Variants in DCHS2 observed in about 807,000 individuals in gnomAD.
DCHS2 encodes the protein protocadherin-23.
DCHS2 carries 142 observed loss-of-function variants against 182.4 expected under a neutral mutation model. The observed-to-expected ratio is 0.78, with a 90% CI of 0.68 to 0.89. The LOEUF (loss-of-function observed/expected upper bound fraction) is 0.89, where lower values mean the gene tolerates loss of function less well. Ranked by LOEUF, DCHS2 falls within the 40% of genes least tolerant of loss-of-function variation. The pLI is 0.00. For missense variants in DCHS2, 4,319 were observed against 4,198.6 expected (o/e 1.03, Z -0.79); for synonymous variants, 1,740 against 1,663.3 (o/e 1.05, Z -1.12).
At chr4:154,430,475 T>C (rs10030235) in intron 1 of DCHS2, among the ~76,000 whole-genome samples, 77,497 of 152,032 alleles carry the variant, frequency 0.51, 20,940 homozygotes, top group Middle Eastern at 0.67. Flanking sequence ...CAAGGCAGGA[T>C]AAAATTAAAA....
At chr4:154,364,910 C>CT (rs998568028) in intron 3 of DCHS2, among the ~76,000 whole-genome samples, 37 of 148,920 alleles carry the variant, frequency 2.5e-4, no homozygotes, top group South Asian at 1.9e-3. Flanking sequence ...GAAAAAAATT[C>CT]TTTTTTTTTT....
At chr4:154,486,974 T>G (rs1204342850) in intron 1 of DCHS2, among the ~76,000 whole-genome samples, 4 of 152,154 alleles carry the variant, frequency 2.6e-5, no homozygotes, top group Non-Finnish European at 5.9e-5. Flanking sequence ...GAGCTCACCA[T>G]AATGGATCTA....
chr4:154,403,918 C>A (rs2110877621), intron 1 of DCHS2, among the ~76,000 whole-genome samples: 1 of 152,198 alleles, frequency 6.6e-6, no homozygotes, highest in South Asian at 2.1e-4. Flanking sequence ...TATGTGGGAT[C>A]TGCCATTATA....
Position 154,234,366 on chromosome 4 carries a change from A to C in DCHS2, c.*170T>G. The C allele has an allele frequency of 2.2e-6, 2 of 920,374 alleles. No homozygotes were observed. The highest frequency in any genetic ancestry group is 2.1e-5 in the South Asian group (1 of 48,606). The allele number at this position is 920,374 out of a possible 1,614,324, so 57.0% of individuals were successfully genotyped here. On this transcript the variant is annotated 3_prime_UTR_variant, in exon 20 of 20. Coordinates refer to ENST00000357232, the MANE Select transcript of DCHS2 (RefSeq NM_001358235.2). ...TAAAAGAGGAAATAACTTTTCATTAAGGCTGGAAGAAATTGGAGAAACTTT... is the reference window on the plus strand; with the variant it reads ...TAAAAGAGGAAATAACTTTTCATTACGGCTGGAAGAAATTGGAGAAACTTT...
intron 1 of DCHS2, among the ~76,000 whole-genome samples, chr4:154,390,706 T>C (rs11099952): frequency 0.31 from 42,603 of 136,198 alleles, 7,663 homozygotes; most frequent in Middle Eastern, 0.45. Flanking sequence ...CTCTTAGTTC[T>C]GGTTCATATG....
chr4:154,405,165 G>A (rs1844672), intron 1 of DCHS2, among the ~76,000 whole-genome samples: 45,547 of 152,002 alleles, frequency 0.3, 8,738 homozygotes, highest in East Asian at 0.65. Flanking sequence ...CAGGAAAATC[G>A]CTTGAACCTG....
intron 2 of DCHS2, chr4:154,374,114 T>C: frequency 1.6e-6 from 1 of 617,486 alleles, no homozygotes; most frequent in Non-Finnish European, 2.7e-6. Flanking sequence ...TGGAGCACTG[T>C]GCTTTCCAGG....
At chr4:154,417,204 TGAGAGAGAGAGAGAGAGAGAGAGA>T (rs70947163) in intron 1 of DCHS2, among the ~76,000 whole-genome samples, 9 of 39,476 alleles carry the variant, frequency 2.3e-4, no homozygotes, top group African/African-American at 7.5e-4. Flanking sequence ...TGTGTGTGTG[TGAGAGAGAGAGAGAGAGAGAGAGA>T]GAGAGAGAGA....
intron 3 of DCHS2, among the ~76,000 whole-genome samples, chr4:154,351,608 A>T (rs77362535): frequency 0.018 from 2,714 of 152,222 alleles, 43 homozygotes; most frequent in Non-Finnish European, 0.028. Flanking sequence ...GGTACCAGGG[A>T]CCGGTTTCGT....
chr4:154,303,892 T>C (rs2111297370), intron 12 of DCHS2, among the ~76,000 whole-genome samples: 1 of 152,318 alleles, frequency 6.6e-6, no homozygotes, highest in Admixed American at 6.5e-5. Context: ...ACACCTTTTC[T>C]GCATTTCAGA....
chr4:154,255,025 G>C (rs534164456), intron 16 of DCHS2, among the ~76,000 whole-genome samples: 1 of 152,230 alleles, frequency 6.6e-6, no homozygotes, highest in Admixed American at 6.5e-5. Context: ...AAGTTTTAAT[G>C]TTAAATGTAT....
At chr4:154,348,283 T>C (rs1318573707) in intron 3 of DCHS2, among the ~76,000 whole-genome samples, 1 of 151,938 alleles carries the variant, frequency 6.6e-6, no homozygotes, top group Non-Finnish European at 1.5e-5. Flanking sequence ...ATATTCAGTT[T>C]AAAGGAAATA....
At chr4:154,250,793 T>C (rs1225077598) in intron 16 of DCHS2, among the ~76,000 whole-genome samples, 2 of 152,238 alleles carry the variant, frequency 1.3e-5, no homozygotes, top group Non-Finnish European at 2.9e-5. Context: ...GCATCCATTA[T>C]GAGGTGTCTT....
chr4:154,343,557 T>A lies in DCHS2; in HGVS notation c.2477-8453A>T, dbSNP rs1174068050. 5 of 1,529,284 alleles carry A rather than the reference T, an allele frequency of 3.3e-6. No homozygotes were observed. The Admixed American group carries it at 1.0e-4, about 30-fold the overall frequency. 94.7% of individuals were successfully genotyped at this position (1,529,284 alleles called of 1,614,324 possible). A position where few individuals can be genotyped will look rare whatever the true frequency, so the allele number is the denominator to read the frequency against. On this transcript the variant is annotated intron_variant, in intron 3 of 19. Coordinates refer to ENST00000357232, the MANE Select transcript of DCHS2 (RefSeq NM_001358235.2). Reference sequence around the variant, plus strand: ...TGCTTCATCTTGCACTTTTAGGTAATGGAGATGGCGTCTTCCCTTAAACCT... The same window carrying A: ...TGCTTCATCTTGCACTTTTAGGTAAAGGAGATGGCGTCTTCCCTTAAACCT...
At chr4:154,268,301 A>G (rs1733400802) in intron 14 of DCHS2, among the ~76,000 whole-genome samples, 1 of 150,710 alleles carries the variant, frequency 6.6e-6, no homozygotes, top group Non-Finnish European at 1.5e-5. Context: ...CCAGAATACT[A>G]CACTCGTGCT....
At chr4:154,364,898 A>C (rs1280734611) in intron 3 of DCHS2, among the ~76,000 whole-genome samples, 3 of 152,218 alleles carry the variant, frequency 2.0e-5, no homozygotes, top group Non-Finnish European at 2.9e-5. Flanking sequence ...AAAAATGCAA[A>C]AGAAAAAAAT....
At chr4:154,378,866 C>A (rs115091593) in intron 1 of DCHS2, among the ~76,000 whole-genome samples, 2,577 of 152,236 alleles carry the variant, frequency 0.017, 86 homozygotes, top group African/African-American at 0.059. Flanking sequence ...TCCTGACCTT[C>A]CTCTGATGCA....
In DCHS2 at chr4:154,240,689, C is replaced by T; in HGVS notation, c.7207G>A (p.Val2403Met). 1.9e-6 allele frequency: 3 copies of T among 1,613,980 alleles called. No homozygotes were observed. Among genetic ancestry groups the T allele is most frequent in the Non-Finnish European group, 2.5e-6 (3 of 1,179,928 alleles). The change falls in exon 18 of 20, where the codon GTG (valine) becomes ATG (methionine). Residue 2403 changes from valine (V) to methionine (M), a missense_variant. Coordinates refer to ENST00000357232, the MANE Select transcript of DCHS2 (RefSeq NM_001358235.2). Reference sequence around the variant, plus strand: ...TCAAAATCCAATGTTTTCACCAACACCACCACTCCAGTGTTCTGATCAATA... The same window carrying T: ...TCAAAATCCAATGTTTTCACCAACATCACCACTCCAGTGTTCTGATCAATA... ...FAIDQNTGVV[V>M]LVKTLDFEEM...
At chr4:154,340,666 TAAC>T (rs1729021330) in intron 3 of DCHS2, among the ~76,000 whole-genome samples, 1 of 152,226 alleles carries the variant, frequency 6.6e-6, no homozygotes, top group African/African-American at 2.4e-5. Flanking sequence ...TTTACTGTCT[TAAC>T]AAAATTTTAC....
Sources: allele counts gnomAD v4.1 joint callset (sites outside exome capture counted in the v4.1 genomes callset), GRCh38; gene constraint gnomAD v4.1.1; transcripts MANE v1.5; gene names NCBI Gene and HGNC (gene_info 2026-07-23, HGNC 2026-07-21).